MALRD1: variants seen among roughly 807,000 people sequenced by gnomAD.
The protein encoded by MALRD1 is MAM and LDL receptor class A domain containing 1.
In MALRD1, 247 loss-of-function variants were observed where a neutral mutation model predicts 242.1. That is an observed-to-expected ratio of 1.02 (90% CI 0.92 to 1.13). The LOEUF (loss-of-function observed/expected upper bound fraction) is 1.13, where lower values mean the gene tolerates loss of function less well. Among genes scored for constraint, MALRD1 ranks in the 50% most tolerant of loss-of-function variants. The pLI is 0.00. For synonymous variants in MALRD1, 995 were observed against 866.6 expected (o/e 1.15, Z -2.60); for missense variants, 2,989 against 2,533.1 (o/e 1.18, Z -3.86).
chr10:19,153,216 A>T (rs1161855620), intron 11 of MALRD1, among the ~76,000 whole-genome samples: 1 of 152,188 alleles, frequency 6.6e-6, no homozygotes, highest in Non-Finnish European at 1.5e-5. Context: ...ACAATTTCAA[A>T]TTTATTCGAC....
intron 18 of MALRD1, among the ~76,000 whole-genome samples, chr10:19,252,930 C>G (rs1002018676): frequency 1.3e-5 from 2 of 151,952 alleles, no homozygotes; most frequent in Admixed American, 6.6e-5. Flanking sequence ...TTGTATCCAG[C>G]AAATAGTTCC....
intron 38 of MALRD1, among the ~76,000 whole-genome samples, chr10:19,693,069 A>G (rs1833180682): frequency 6.6e-6 from 1 of 151,940 alleles, no homozygotes; most frequent in South Asian, 2.1e-4. Context: ...TGGATGGGAC[A>G]TATCTCAAAA....
intron 33 of MALRD1, among the ~76,000 whole-genome samples, chr10:19,587,695 C>G (rs1280994539): frequency 6.6e-6 from 1 of 152,162 alleles, no homozygotes; most frequent in Non-Finnish European, 1.5e-5. Context: ...CCTACAATAT[C>G]AGGAACTGGA....
At chr10:19,260,690 G>T (rs894209621) in intron 19 of MALRD1, among the ~76,000 whole-genome samples, 1 of 152,138 alleles carries the variant, frequency 6.6e-6, no homozygotes, top group Non-Finnish European at 1.5e-5. Context: ...CTAGAAGAGT[G>T]CCTGGTCCAT....
intron 2 of MALRD1, among the ~76,000 whole-genome samples, chr10:19,086,709 A>C (rs1835679841): frequency 6.6e-6 from 1 of 152,118 alleles, no homozygotes; most frequent in East Asian, 1.9e-4. Flanking sequence ...AAAGTGGCTC[A>C]TCAGTCAGAA....
intron 32 of MALRD1, among the ~76,000 whole-genome samples, chr10:19,562,314 T>TAGAC (rs2131443629): frequency 7.4e-6 from 1 of 135,496 alleles, no homozygotes; most frequent in African/African-American, 3.7e-5. Flanking sequence ...GATAGATAGA[T>TAGAC]AGATAGATAG....
intron 20 of MALRD1, among the ~76,000 whole-genome samples, chr10:19,280,772 A>T (rs1840766402): frequency 2.6e-5 from 4 of 152,244 alleles, no homozygotes; most frequent in Admixed American, 2.0e-4. Flanking sequence ...TGGATCAAAG[A>T]CAAACTATTT....
chr10:19,566,110 G>C (rs1254558604), intron 32 of MALRD1, among the ~76,000 whole-genome samples: 1 of 151,496 alleles, frequency 6.6e-6, no homozygotes, highest in African/African-American at 2.4e-5. Flanking sequence ...CCTTTTTATA[G>C]AATAAATTTT....
chr10:19,692,676 G>A (rs1833134357), intron 38 of MALRD1, 122 bp downstream of exon 38: 1 of 691,668 alleles, frequency 1.4e-6, no homozygotes, highest in South Asian at 2.1e-5. Context: ...GTGTTTTGCT[G>A]CTTTATGGAT....
At chr10:19,664,102 C>T (rs941631827) in intron 36 of MALRD1, among the ~76,000 whole-genome samples, 3 of 151,850 alleles carry the variant, frequency 2.0e-5, no homozygotes, top group Non-Finnish European at 2.9e-5. Flanking sequence ...TCAGAGTCTT[C>T]CATAGGTGAC....
At chr10:19,586,227 G>C (rs570186226) in intron 33 of MALRD1, among the ~76,000 whole-genome samples, 5 of 152,148 alleles carry the variant, frequency 3.3e-5, no homozygotes, top group South Asian at 2.1e-4. Flanking sequence ...CTCTCAGCTC[G>C]TCAAAGTCAT....
At chr10:19,540,896 CTTGATGCCAGGAA>C (rs1834939460) in intron 32 of MALRD1, among the ~76,000 whole-genome samples, 1 of 152,146 alleles carries the variant, frequency 6.6e-6, no homozygotes, top group African/African-American at 2.4e-5. Context: ...AGGAGGATTG[CTTGATGCCAGGAA>C]TTTGAGACCA....
In MALRD1 at chr10:19,614,683, T is replaced by C. The variant is rs556229581; in HGVS notation, c.6071-1174T>C. Among the ~76,000 whole-genome samples, 3 of 152,100 alleles carry C rather than the reference T, an allele frequency of 2.0e-5. No homozygotes were observed. In the South Asian group the frequency reaches 6.2e-4, roughly 32 times the overall value. ...ACGGTAGTTACTCTATGAAGATATT[T>C]AGCTTCTTTTTAACCTATAAGTAAA... On this transcript the variant is annotated intron_variant, in intron 35 of 39. Transcript: ENST00000454679.
intron 28 of MALRD1, among the ~76,000 whole-genome samples, chr10:19,389,828 T>G (rs1433176452): frequency 3.9e-5 from 6 of 152,142 alleles, no homozygotes; most frequent in Non-Finnish European, 7.3e-5. Flanking sequence ...TTGTAGAGAA[T>G]AATTTTATAT....
At chr10:19,067,007 A>G (rs1206087456) in intron 2 of MALRD1, 148 bp downstream of exon 2, 2 of 532,140 alleles carry the variant, frequency 3.8e-6, no homozygotes, top group Admixed American at 4.4e-5. Flanking sequence ...TGATATTTAC[A>G]TATTTGTAGT....
At chr10:19,164,622 T>C (rs1588636615) in intron 12 of MALRD1, among the ~76,000 whole-genome samples, 1 of 152,218 alleles carries the variant, frequency 6.6e-6, no homozygotes, top group East Asian at 1.9e-4. Context: ...ATGGAGGTTT[T>C]GTGGGCATAT....
At chr10:19,660,039 G>A (rs1841355187) in intron 36 of MALRD1, among the ~76,000 whole-genome samples, 1 of 152,104 alleles carries the variant, frequency 6.6e-6, no homozygotes, top group Non-Finnish European at 1.5e-5. Flanking sequence ...GCCCCAGTCA[G>A]TACCTTTGGG....
rs1156570391 is a variant in MALRD1 at position 19,091,680 on chromosome 10, T to C, written c.597+3495T>C. Among the ~76,000 whole-genome samples, 3 of 83,782 alleles carry C rather than the reference T, an allele frequency of 3.6e-5. 1 individual carries two copies. The highest frequency in any genetic ancestry group is 6.9e-5 in the Non-Finnish European group (3 of 43,696). The allele number at this position is 83,782 out of a possible 152,430, so 55.0% of individuals were successfully genotyped here. A position where few individuals can be genotyped will look rare whatever the true frequency, so the allele number is the denominator to read the frequency against. On this transcript the variant is annotated intron_variant, in intron 4 of 39. Transcript: ENST00000454679. Reference sequence around the variant, plus strand: ...TTTTCTAGTTCTTTTAATTGTGATGTTAGGGTGTCAATTTTGGATCTTTCC... The same window carrying C: ...TTTTCTAGTTCTTTTAATTGTGATGCTAGGGTGTCAATTTTGGATCTTTCC...
In MALRD1 at chr10:19,065,287, C is replaced by CAAAAAAAAAAAAAAAA. The variant is rs1197670439; in HGVS notation, c.200-1425_200-1410dup. On this transcript the variant is annotated intron_variant, in intron 1 of 39. Coordinates refer to ENST00000454679, the MANE Select transcript of MALRD1 (RefSeq NM_001142308.3). ...GGGCAACAAGAGCAAAACGCTGTCT[C>CAAAAAAAAAAAAAAAA]AAAAAAAAAAAAAAAAAAAAAAGGA... 3.0e-3 allele frequency among the ~76,000 whole-genome samples: 150 copies of CAAAAAAAAAAAAAAAA among 50,604 alleles called. 6 individuals carry two copies. Among genetic ancestry groups the CAAAAAAAAAAAAAAAA allele is most frequent in the East Asian group, 0.018 (19 of 1,084 alleles). 33.2% of individuals were successfully genotyped at this position (50,604 alleles called of 152,430 possible).
Sources: gnomAD v4.1 joint callset for allele counts (sites outside exome capture counted in the v4.1 genomes callset) on GRCh38, gnomAD v4.1.1 for gene constraint, MANE v1.5 for transcripts, NCBI Gene and HGNC (gene_info 2026-07-23, HGNC 2026-07-21) for gene names.